SMC1B: variants seen among roughly 807,000 people sequenced by gnomAD.
SMC1B encodes the protein structural maintenance of chromosomes 1B.
A neutral mutation model predicts 157.9 loss-of-function variants in SMC1B; 60 were observed. That is an observed-to-expected ratio of 0.38 (90% CI 0.31 to 0.47). The LOEUF (loss-of-function observed/expected upper bound fraction) is 0.47. Among genes scored for constraint, SMC1B ranks in the 20% least tolerant of loss-of-function variants. The probability of loss-of-function intolerance (pLI) is 0.99; values close to 1 mark genes in which losing one functional copy is unlikely to be tolerated. For synonymous variants in SMC1B, 445 were observed against 483.0 expected (o/e 0.92, Z 1.03); for missense variants, 1,165 against 1,426.2 (o/e 0.82, Z 2.95).
At chr22:45,368,795 A>C (rs1048813550) in intron 15 of SMC1B, among the ~76,000 whole-genome samples, 8 of 152,160 alleles carry the variant, frequency 5.3e-5, no homozygotes, top group Non-Finnish European at 1.0e-4. Flanking sequence ...TTGGAATTAC[A>C]GGCGTGAGCC....
chr22:45,408,706 A>T lies in SMC1B; in HGVS notation c.298+4T>A. On this transcript the variant is annotated splice_donor_region_variant and intron_variant, in intron 2 of 24. Transcript: ENST00000357450. ...TAAAATGAAAAAAAATTATAAAAAA[A>T]TACCTCGGATAATCCTTGCAAATGT... The T allele has an allele frequency of 6.4e-7, 1 of 1,560,822 alleles. No homozygotes were observed. Among genetic ancestry groups the T allele is most frequent in the Admixed American group, 2.2e-5 (1 of 46,110 alleles).
chr22:45,385,376 T>A (rs747802592), intron 11 of SMC1B, among the ~76,000 whole-genome samples: 3 of 152,120 alleles, frequency 2.0e-5, no homozygotes, highest in Non-Finnish European at 4.4e-5. Flanking sequence ...GTATCAAGTA[T>A]ATAGAAAACC....
At chr22:45,354,728 A>C (rs1225570007) in intron 20 of SMC1B, among the ~76,000 whole-genome samples, 1 of 152,104 alleles carries the variant, frequency 6.6e-6, no homozygotes, top group Non-Finnish European at 1.5e-5. Context: ...TTTTGGTATT[A>C]AAAAAATACA....
chr22:45,408,938 G>T, intron 1 of SMC1B, 40 bp from the exon 2 acceptor site: 2 of 1,286,898 alleles, frequency 1.6e-6, no homozygotes, highest in South Asian at 3.3e-5. Context: ...CATTCTTAAT[G>T]ATAAAAAGCC....
chr22:45,375,861 C>T (rs2086879168), intron 12 of SMC1B, among the ~76,000 whole-genome samples: 1 of 152,054 alleles, frequency 6.6e-6, no homozygotes, highest in Non-Finnish European at 1.5e-5. Context: ...TATTTATACT[C>T]ATAAGGGAAG....
chr22:45,387,253 GC>G (rs1311153102), intron 10 of SMC1B, among the ~76,000 whole-genome samples: 1 of 152,114 alleles, frequency 6.6e-6, no homozygotes, highest in Non-Finnish European at 1.5e-5. Context: ...TTCGAGACCA[GC>G]CTGGCCAACA....
Position 45,406,742 on chromosome 22 carries a change from T to C in SMC1B, c.411+11A>G. 6.3e-7 allele frequency: 1 copy of C among 1,585,532 alleles called. No individual in the cohort carries two copies. The highest frequency in any genetic ancestry group is 8.5e-7 in the Non-Finnish European group (1 of 1,169,954). On this transcript the variant is annotated intron_variant, in intron 3 of 24. Transcript: ENST00000357450. The stretch of plus-strand genomic sequence containing the variant: ...AAACTCTGAATCAAATAAACTACTA[T>C]AGCTACTTACCTGAAAAACCAAACA...
chr22:45,378,779 G>A (rs1458004418), intron 12 of SMC1B, among the ~76,000 whole-genome samples: 6 of 151,952 alleles, frequency 3.9e-5, no homozygotes, highest in Non-Finnish European at 7.4e-5. Flanking sequence ...GCTATGTGCT[G>A]CAAACAGATT....
At chr22:45,404,291 G>A (rs547617588) in intron 4 of SMC1B, among the ~76,000 whole-genome samples, 16 of 152,242 alleles carry the variant, frequency 1.1e-4, no homozygotes, top group Non-Finnish European at 1.8e-4. Context: ...CCAACCTGAT[G>A]CTGGCATAGT....
At chr22:45,352,411 C>T (rs747720758) in intron 22 of SMC1B, 40 bp downstream of exon 22, 17 of 1,580,290 alleles carry the variant, frequency 1.1e-5, no homozygotes, top group Non-Finnish European at 1.3e-5. Context: ...CCCTTGGCTT[C>T]TGCCCTGATA....
intron 10 of SMC1B, among the ~76,000 whole-genome samples, chr22:45,388,321 G>A (rs1195274693): frequency 6.6e-6 from 1 of 152,134 alleles, no homozygotes; most frequent in East Asian, 1.9e-4. Context: ...ATCTAAAGTA[G>A]TTACTACTAA....
At chr22:45,387,144 C>A (rs1416604823) in intron 10 of SMC1B, 98 bp from the exon 11 acceptor site, 2 of 1,073,204 alleles carry the variant, frequency 1.9e-6, no homozygotes, top group African/African-American at 3.2e-5. Context: ...CGCATGGCAG[C>A]AAAAGATCAA....
At chr22:45,372,724 T>A (rs2086846363) in intron 12 of SMC1B, among the ~76,000 whole-genome samples, 1 of 148,840 alleles carries the variant, frequency 6.7e-6, no homozygotes, top group Non-Finnish European at 1.5e-5. Context: ...GTCTTTTTTT[T>A]TTTTTTGAGA....
intron 6 of SMC1B, among the ~76,000 whole-genome samples, chr22:45,396,856 T>C (rs1467267537): frequency 6.6e-6 from 1 of 152,106 alleles, no homozygotes; most frequent in East Asian, 1.9e-4. Context: ...TAAAGATACA[T>C]GTGGCTTTGA....
chr22:45,345,684 C>T, intron 23 of SMC1B, 115 bp from the exon 24 acceptor site: 1 of 632,780 alleles, frequency 1.6e-6, no homozygotes, highest in East Asian at 2.7e-5. Flanking sequence ...AGGACTTATC[C>T]ACCTTTCCAA....
At chr22:45,381,868 G>A (rs2146812205) in intron 12 of SMC1B, among the ~76,000 whole-genome samples, 1 of 152,110 alleles carries the variant, frequency 6.6e-6, no homozygotes, top group East Asian at 1.9e-4. Context: ...AAGTAACCTT[G>A]CCAAAATATA....
At chr22:45,366,276 G>A (rs777594908) in intron 15 of SMC1B, among the ~76,000 whole-genome samples, 23 of 152,060 alleles carry the variant, frequency 1.5e-4, no homozygotes, top group Admixed American at 3.9e-4. Flanking sequence ...CGCCTGCCTC[G>A]AGCTCCCAGA....
At chr22:45,372,710 C>A (rs28714080) in intron 12 of SMC1B, among the ~76,000 whole-genome samples, 3 of 119,886 alleles carry the variant, frequency 2.5e-5, no homozygotes. Flanking sequence ...CCCATTGACT[C>A]CAGGTCTTTT....
intron 21 of SMC1B, 55 bp downstream of exon 21, chr22:45,353,923 A>AAAAAAAACACC: frequency 9.6e-7 from 1 of 1,036,896 alleles, no homozygotes; most frequent in Non-Finnish European, 1.4e-6. Context: ...AAAAAAAACA[A>AAAAAAAACACC]CCACCACCGG....
Sources: allele counts gnomAD v4.1 joint callset (sites outside exome capture counted in the v4.1 genomes callset), GRCh38; gene constraint gnomAD v4.1.1; transcripts MANE v1.5; gene names NCBI Gene and HGNC (gene_info 2026-07-23, HGNC 2026-07-21).